Variants in C1orf35 observed in about 807,000 individuals in gnomAD.
C1orf35 encodes chromosome 1 open reading frame 35.
C1orf35 carries 36 observed loss-of-function variants against 30.9 expected under a neutral mutation model. That is an observed-to-expected ratio of 1.16 (90% CI 0.89 to 1.54). C1orf35 has a LOEUF of 1.54. C1orf35 is among the 40% of genes most tolerant of loss of function. The pLI, the probability that C1orf35 is intolerant of heterozygous loss-of-function variation, is 0.00. For missense variants in C1orf35, 396 were observed against 358.7 expected (o/e 1.10, Z -0.84); for synonymous variants, 179 against 148.2 (o/e 1.21, Z -1.51).
intron 6 of C1orf35, 169 bp from the exon 7 acceptor site, chr1:228,101,642 T>C: frequency 6.8e-7 from 1 of 1,463,322 alleles, no homozygotes; most frequent in South Asian, 1.4e-5. Flanking sequence ...GGCCAGTGGC[T>C]ACGTGGGTTA....
rs1158910312 is a variant in C1orf35 at position 228,101,218 on chromosome 1, G to T, written c.705C>A (p.Ser235=). The part of the protein sequence containing the change: ...RHHHHDSDSN[S]PCCKRRKRGH... Reference sequence around the variant, plus strand: ...CCCGCTTCCTCCTCTTACAGCAGGGGGAGTTGGAGTCGGAGTCATGGTGGT... The same window carrying T: ...CCCGCTTCCTCCTCTTACAGCAGGGTGAGTTGGAGTCGGAGTCATGGTGGT... Residue 235 remains serine (S), a synonymous_variant, in exon 8 of 8, where the codon TCC becomes TCA. Transcript: ENST00000272139. 1.2e-6 allele frequency: 2 copies of T among 1,614,172 alleles called. No homozygotes were observed. The highest frequency in any genetic ancestry group is 1.7e-5 in the Admixed American group (1 of 60,030).
rs759440407 is a variant in C1orf35, at chr1:228,101,154, GCCA to G, written c.766_768del (p.Trp256del). 3 of 1,613,830 alleles carry G rather than the reference GCCA, an allele frequency of 1.9e-6. No individual in the cohort carries two copies. The South Asian group carries it at 3.3e-5, about 18-fold the overall frequency. On this transcript the variant is annotated inframe_deletion, in exon 8 of 8. Coordinates refer to ENST00000272139, the MANE Select transcript of C1orf35 (RefSeq NM_024319.4). ...CATCAGGCCTCAGAGCCTCTGTCAT[GCCA>G]CCTGCGAGACGGGCTCCTCCTGTCC...
rs574841558 is a variant in C1orf35 at position 228,101,379 on chromosome 1, G to A, written c.628C>T (p.Arg210Trp). The A allele has an allele frequency of 2.2e-5, 36 of 1,614,084 alleles. 1 individual carries two copies. The highest frequency in any genetic ancestry group is 8.8e-5 in the South Asian group (8 of 91,082). Residue 210 changes from arginine to tryptophan, a missense_variant, in exon 7 of 8, where the codon CGG becomes TGG. Physicochemically the swap from Arg to Trp is moderately radical, Grantham distance 101. Coordinates refer to ENST00000272139, the MANE Select transcript of C1orf35 (RefSeq NM_024319.4). The part of the protein sequence containing the change: ...EKKKKDKEHR[R>W]PAEATSSPTS... ...GGAGAGGAGGTGGCCTCAGCTGGCCGCCTGTGCTCTTTGTCTTTCTTCTTC... is the reference window on the plus strand; with the variant it reads ...GGAGAGGAGGTGGCCTCAGCTGGCCACCTGTGCTCTTTGTCTTTCTTCTTC...
rs758113975 is a variant in C1orf35, at chr1:228,101,197, C to A, written c.726G>T (p.Lys242Asn). ...DSNSPCCKRR[K>N]RGHSGDRRSP... is the part of the protein sequence containing the mutation. ...TCCTCCTGTCCCCACTGTGTCCCCGCTTCCTCCTCTTACAGCAGGGGGAGT... is the reference window on the plus strand; with the variant it reads ...TCCTCCTGTCCCCACTGTGTCCCCGATTCCTCCTCTTACAGCAGGGGGAGT... The change falls in exon 8 of 8, where the codon AAG becomes AAT. Residue 242 changes from lysine to asparagine, a missense_variant. By Grantham distance (94) the Lys-to-Asn change is moderately conservative (BLOSUM62 0). Coordinates refer to ENST00000272139, the MANE Select transcript of C1orf35 (RefSeq NM_024319.4). 2 of 1,614,186 alleles carry A rather than the reference C, an allele frequency of 1.2e-6. No homozygotes were observed. The highest frequency in any genetic ancestry group is 4.5e-5 in the East Asian group (2 of 44,880).
In C1orf35 at chr1:228,102,964, G is replaced by C; in HGVS notation, c.180C>G (p.Gly60=). The part of the protein sequence containing the change: ...WYAKGRAPCA[G]PSREEELAAV... Reference sequence around the variant, plus strand: ...CTGCCAGTTCCTCCTCGCGGCTCGGGCCCGCGCATGGCGCCCGGCCCTTGG... The same window carrying C: ...CTGCCAGTTCCTCCTCGCGGCTCGGCCCCGCGCATGGCGCCCGGCCCTTGG... The change falls in exon 2 of 8, where the codon GGC becomes GGG. Residue 60 remains glycine (G), a synonymous_variant. Coordinates refer to ENST00000272139, the MANE Select transcript of C1orf35 (RefSeq NM_024319.4). 1 of 1,526,200 alleles carries C rather than the reference G, an allele frequency of 6.6e-7. No homozygotes were observed. 94.5% of individuals were successfully genotyped at this position (1,526,200 alleles called of 1,614,324 possible).
Position 228,102,573 on chromosome 1 carries a change from G to A in C1orf35, c.292-13C>T. The A allele has an allele frequency of 1.9e-6, 3 of 1,568,736 alleles. No individual in the cohort carries two copies. The highest frequency in any genetic ancestry group is 2.4e-5 in the East Asian group (1 of 42,238). The stretch of plus-strand genomic sequence containing the variant: ...CCTCCGCGAAGTCCTGCAGGTGCGA[G>A]AGCACAGGGAGCGCTCGAGTCGGCC... On this transcript the variant is annotated splice_polypyrimidine_tract_variant and intron_variant, in intron 3 of 7. Coordinates refer to ENST00000272139, the MANE Select transcript of C1orf35 (RefSeq NM_024319.4).
intron 4 of C1orf35, 38 bp from the exon 5 acceptor site, chr1:228,102,420 T>C (rs751604659): frequency 2.1e-5 from 34 of 1,586,954 alleles, no homozygotes; most frequent in Middle Eastern, 1.8e-4. Context: ...ACGGCAGGGG[T>C]CCGCCTCACC....
Position 228,101,492 on chromosome 1 carries a change from G to A in C1orf35, c.534-19C>T, listed in dbSNP as rs1409560513. 5.0e-6 allele frequency: 8 copies of A among 1,609,934 alleles called. No individual in the cohort carries two copies. The highest frequency in any genetic ancestry group is 2.2e-5 in the South Asian group (2 of 91,064). ...CTCACAACTACAAGGAGGATACAAG[G>A]TGTGCCTCAGACCCTAGTCTTGCAA... On this transcript the variant is annotated intron_variant, in intron 6 of 7. Coordinates refer to ENST00000272139, the MANE Select transcript of C1orf35 (RefSeq NM_024319.4).
At position 228,101,247 on chromosome 1, in the gene C1orf35, G is replaced by T. The variant is rs752540042; in HGVS notation, c.676C>A (p.His226Asn). The T allele has an allele frequency of 1.2e-6, 2 of 1,614,152 alleles. No homozygotes were observed. The highest frequency in any genetic ancestry group is 3.3e-5 in the Admixed American group (2 of 60,028). ...TTGGAGTCGGAGTCATGGTGGTGGT[G>T]CCTGGGCCTGGGGAGACCAATGGCA... ...SSPTSPERPR[H>N]HHHDSDSNSP... Residue 226 changes from histidine (H) to asparagine (N), a missense_variant, in exon 8 of 8, where the codon CAC becomes AAC. Physicochemically the swap from His to Asn is moderately conservative, Grantham distance 68. Coordinates refer to ENST00000272139, the MANE Select transcript of C1orf35 (RefSeq NM_024319.4).
At chr1:228,101,574 C>T in intron 6 of C1orf35, 101 bp from the exon 7 acceptor site, 5 of 1,549,610 alleles carry the variant, frequency 3.2e-6, no homozygotes, top group South Asian at 2.4e-5. Context: ...CCCACAAGTG[C>T]GTCTTTAAAT....
At chr1:228,101,898 T>C in intron 6 of C1orf35, 182 bp downstream of exon 6, 2 of 1,418,816 alleles carry the variant, frequency 1.4e-6, no homozygotes, top group African/African-American at 1.5e-5. Context: ...TCTTCAAGGG[T>C]GACCCGAGAA....
In C1orf35 at chr1:228,100,864, C is replaced by T. The variant is rs2124863075; in HGVS notation, c.*267G>A. 1.9e-6 allele frequency: 1 copy of T among 534,620 alleles called. No individual in the cohort carries two copies. Among genetic ancestry groups the T allele is most frequent in the East Asian group, 3.2e-5 (1 of 31,472 alleles). 33.1% of individuals were successfully genotyped at this position (534,620 alleles called of 1,614,324 possible). On this transcript the variant is annotated 3_prime_UTR_variant, in exon 8 of 8. Transcript: ENST00000272139. ...CCATGGGCAGGACACAGAGGGAGTC[C>T]AGCCTCTACTGATAAATCTGGGCAG...
chr1:228,102,816 G>T, intron 2 of C1orf35, 83 bp downstream of exon 2: 1 of 293,830 alleles, frequency 3.4e-6, no homozygotes, highest in South Asian at 2.8e-5. Flanking sequence ...CGCCCAGCCC[G>T]ACCCCCAGTC....
rs2032940045 is a variant in C1orf35, at chr1:228,101,338, CCT to C, written c.667_668del (p.Arg223AlafsTer7). 6.2e-7 allele frequency: 1 copy of C among 1,614,204 alleles called. No individual in the cohort carries two copies. The highest frequency in any genetic ancestry group is 8.5e-7 in the Non-Finnish European group (1 of 1,180,046). On this transcript the variant is annotated frameshift_variant and splice_region_variant, in exon 7 of 8. Transcript: ENST00000272139. LOFTEE classifies it low-confidence loss of function (END_TRUNC). ...EATSSPTSPERPRHHHHDSDS... is the reference protein window; with the variant it reads ...EATSSPTSPEXPRHHHHDSDS... ...AGAGGCAGATATGGACCAGGGCATACCTCTCAGGAGATGTGGGAGAGGAGGTG... is the reference window on the plus strand; with the variant it reads ...AGAGGCAGATATGGACCAGGGCATACCTCAGGAGATGTGGGAGAGGAGGTG...
At chr1:228,101,566 C>T (rs991051707) in intron 6 of C1orf35, 93 bp from the exon 7 acceptor site, 317 of 1,559,184 alleles carry the variant, frequency 2.0e-4, no homozygotes, top group Non-Finnish European at 2.7e-4. Flanking sequence ...AGCCACCACC[C>T]ACAAGTGCGT....
At chr1:228,102,730 C>T in intron 2 of C1orf35, 42 bp from the exon 3 acceptor site, 1 of 1,586,388 alleles carries the variant, frequency 6.3e-7, no homozygotes. Context: ...GACGGACCTC[C>T]TCCCACCACA....
rs1226381459 is a variant in C1orf35 at position 228,101,200 on chromosome 1, C to T, written c.723G>A (p.Arg241=). 6.2e-7 allele frequency: 1 copy of T among 1,614,184 alleles called. No individual in the cohort carries two copies. Among genetic ancestry groups the T allele is most frequent in the Non-Finnish European group, 8.5e-7 (1 of 1,180,038 alleles). ...TCCTGTCCCCACTGTGTCCCCGCTT[C>T]CTCCTCTTACAGCAGGGGGAGTTGG... is the stretch of plus-strand genomic sequence containing the variant. ...SDSNSPCCKR[R]KRGHSGDRRS... The change falls in exon 8 of 8, where the codon AGG becomes AGA. Residue 241 remains arginine (R), a synonymous_variant. Transcript: ENST00000272139.
Position 228,101,214 on chromosome 1 carries a change from A to C in C1orf35, c.709T>G (p.Cys237Gly). Reference sequence around the variant, plus strand: ...TGTCCCCGCTTCCTCCTCTTACAGCAGGGGGAGTTGGAGTCGGAGTCATGG... The same window carrying C: ...TGTCCCCGCTTCCTCCTCTTACAGCCGGGGGAGTTGGAGTCGGAGTCATGG... ...HHHDSDSNSP[C>G]CKRRKRGHSG... The change falls in exon 8 of 8, where the codon TGC becomes GGC. Residue 237 changes from cysteine (C) to glycine (G), a missense_variant. Coordinates refer to ENST00000272139, the MANE Select transcript of C1orf35 (RefSeq NM_024319.4). 6.2e-7 allele frequency: 1 copy of C among 1,614,094 alleles called. No individual in the cohort carries two copies. The highest frequency in any genetic ancestry group is 8.5e-7 in the Non-Finnish European group (1 of 1,180,006).
intron 6 of C1orf35, chr1:228,101,693 C>G: frequency 7.0e-7 from 1 of 1,431,970 alleles, no homozygotes; most frequent in Non-Finnish European, 9.1e-7. Flanking sequence ...CACGCCCCTG[C>G]CCCACCCCAG....
Sources: gnomAD v4.1 joint callset for allele counts on GRCh38, gnomAD v4.1.1 for gene constraint, MANE v1.5 for transcripts, NCBI Gene and HGNC (gene_info 2026-07-23, HGNC 2026-07-21) for gene names.